The following YIPF5 variants were observed in gnomAD, a reference collection of about 807,000 sequenced individuals.
YIPF5 encodes the protein Yip1 domain family member 5.
YIPF5 carries 8 observed loss-of-function variants against 30.4 expected under a neutral mutation model. The observed-to-expected ratio is 0.26, with a 90% CI of 0.15 to 0.47. The LOEUF (loss-of-function observed/expected upper bound fraction) is 0.47, where lower values mean the gene tolerates loss of function less well. Ranked by LOEUF, YIPF5 falls within the 20% of genes least tolerant of loss-of-function variation. The pLI, the probability that YIPF5 is intolerant of heterozygous loss-of-function variation, is 0.99. For missense variants in YIPF5, 282 were observed against 301.8 expected (o/e 0.93, Z 0.49); for synonymous variants, 104 against 107.9 (o/e 0.96, Z 0.23).
chr5:144,169,620 T>C (rs568323883), intron 2 of YIPF5, among the ~76,000 whole-genome samples: 16 of 152,350 alleles, frequency 1.1e-4, no homozygotes, highest in African/African-American at 3.8e-4. Flanking sequence ...TTTCCATTCA[T>C]GGTACACCTG....
chr5:144,160,577 A>T lies in YIPF5; in HGVS notation c.612-18T>A. 6.3e-7 allele frequency: 1 copy of T among 1,595,946 alleles called. No individual in the cohort carries two copies. The highest frequency in any genetic ancestry group is 8.5e-7 in the Non-Finnish European group (1 of 1,170,726). On this transcript the variant is annotated intron_variant, in intron 5 of 5. Coordinates refer to ENST00000274496, the MANE Select transcript of YIPF5 (RefSeq NM_030799.9). ...CCATTCCTCTGTAAACAACAAGGAAAAAGGGGGGAGAAGAAAAAAAAGCAG... is the reference window on the plus strand; with the variant it reads ...CCATTCCTCTGTAAACAACAAGGAATAAGGGGGGAGAAGAAAAAAAAGCAG...
Position 144,160,005 on chromosome 5 carries a change from G to A in YIPF5, c.*392C>T. ...TTACAGGCGTGAGCTACCACGCCCG[G>A]CCGTCTTGTGTCTTCTTTACTGTGA... On this transcript the variant is annotated 3_prime_UTR_variant, in exon 6 of 6. Transcript: ENST00000274496. The A allele has an allele frequency of 2.0e-6, 2 of 988,918 alleles. No homozygotes were observed. Among genetic ancestry groups the A allele is most frequent in the Non-Finnish European group, 2.4e-6 (2 of 832,502 alleles). The allele number at this position is 988,918 out of a possible 1,614,324, so 61.3% of individuals were successfully genotyped here. A position where few individuals can be genotyped will look rare whatever the true frequency, so the allele number is the denominator to read the frequency against.
chr5:144,165,711 G>A, intron 2 of YIPF5, 107 bp from the exon 3 acceptor site: 8 of 1,185,080 alleles, frequency 6.8e-6, no homozygotes, highest in Non-Finnish European at 9.2e-6. Context: ...CCTTAGTTGT[G>A]AAATTCCTCA....
intron 4 of YIPF5, among the ~76,000 whole-genome samples, chr5:144,163,509 T>A (rs1024262202): frequency 6.6e-6 from 1 of 152,192 alleles, no homozygotes; most frequent in African/African-American, 2.4e-5. Flanking sequence ...CAAAGGCTGA[T>A]CAGGAGCACT....
chr5:144,162,185 C>A, intron 5 of YIPF5, 33 bp downstream of exon 5: 2 of 1,599,916 alleles, frequency 1.3e-6, no homozygotes, highest in South Asian at 2.3e-5. Flanking sequence ...TAGAATTGGT[C>A]AATCAACCCC....
At chr5:144,164,944 C>G (rs12517835) in intron 3 of YIPF5, among the ~76,000 whole-genome samples, 23,159 of 152,156 alleles carry the variant, frequency 0.15, 1,927 homozygotes, top group Admixed American at 0.25. Context: ...AACTACGTCT[C>G]TATGCATATG....
chr5:144,164,435 G>C (rs1181500952), intron 3 of YIPF5, among the ~76,000 whole-genome samples, 179 bp from the exon 4 acceptor site: 3 of 151,992 alleles, frequency 2.0e-5, no homozygotes, highest in African/African-American at 7.2e-5. Flanking sequence ...ACCCAGGCTG[G>C]AGTGCAGTGG....
intron 2 of YIPF5, among the ~76,000 whole-genome samples, chr5:144,166,424 G>T (rs1008572798): frequency 5.9e-5 from 9 of 151,878 alleles, no homozygotes; most frequent in African/African-American, 1.2e-4. Context: ...CTTACTGATG[G>T]GACTAATCTA....
rs1235232151 is a variant in YIPF5, at chr5:144,159,139, C to A, written c.*1258G>T. The A allele has an allele frequency of 1.0e-6, 1 of 984,302 alleles. No homozygotes were observed. The highest frequency in any genetic ancestry group is 6.2e-5 in the Admixed American group (1 of 16,248). The allele number at this position is 984,302 out of a possible 1,614,324, so 61.0% of individuals were successfully genotyped here. On this transcript the variant is annotated 3_prime_UTR_variant, in exon 6 of 6. Transcript: ENST00000274496. ...GTAACTCAAACTGCTCATTTAATCC[C>A]CTTTTTGTCTGATTCTATATTAGCT...
rs568329795 is a variant in YIPF5 at position 144,158,258 on chromosome 5, T to G, written c.*2139A>C. On this transcript the variant is annotated 3_prime_UTR_variant, in exon 6 of 6. Transcript: ENST00000274496. ...AGTTTTGGCTATATACAACTCTGCA[T>G]GTAATCAAACTCTAGAACATCAAAT... The G allele has an allele frequency of 4.8e-6, 2 of 416,624 alleles. No homozygotes were observed. The highest frequency in any genetic ancestry group is 8.3e-6 in the Non-Finnish European group (2 of 240,920). The allele number at this position is 416,624 out of a possible 1,614,324, so 25.8% of individuals were successfully genotyped here. A position where few individuals can be genotyped will look rare whatever the true frequency, so the allele number is the denominator to read the frequency against.
chr5:144,164,250 C>G lies in YIPF5; in HGVS notation c.290G>C (p.Gly97Ala), dbSNP rs778505668. 1 of 1,605,316 alleles carries G rather than the reference C, an allele frequency of 6.2e-7. No individual in the cohort carries two copies. Among genetic ancestry groups the G allele is most frequent in the Admixed American group, 1.7e-5 (1 of 58,794 alleles). Residue 97 changes from glycine (G) to alanine (A), a missense_variant, in exon 4 of 6, where the codon GGT (glycine) becomes GCT (alanine). Physicochemically the swap from Gly to Ala is moderately conservative, Grantham distance 60. Transcript: ENST00000274496. ...TTGCCAGATGTGGTCAAAATTGATA[C>G]CTAACTCTAAAGAGAAAGAAAATTT... ...EDEPPLLEEL[G>A]INFDHIWQKT...
At chr5:144,163,368 T>G (rs73792176) in intron 4 of YIPF5, among the ~76,000 whole-genome samples, 142 of 152,304 alleles carry the variant, frequency 9.3e-4, no homozygotes, top group Middle Eastern at 3.4e-3. Context: ...AACTCACACT[T>G]GTACAGTGTT....
At position 144,164,498 on chromosome 5, in the gene YIPF5, T is replaced by C. The variant is rs528303225; in HGVS notation, c.284-242A>G. 1.1e-4 allele frequency among the ~76,000 whole-genome samples: 16 copies of C among 152,158 alleles called. No homozygotes were observed. The East Asian group carries it at 2.5e-3, about 24-fold the overall frequency. ...ACTCCTGAACTCAAAGTGATGTTCC[T>C]GCCTCAGCCTCGTGAGTAGCTGGGA... On this transcript the variant is annotated intron_variant, in intron 3 of 5. Transcript: ENST00000274496.
In YIPF5 at chr5:144,169,879, T is replaced by C. The variant is rs778924625; in HGVS notation, c.77A>G (p.Tyr26Cys). The C allele has an allele frequency of 1.4e-5, 22 of 1,614,210 alleles. No individual in the cohort carries two copies. The highest frequency in any genetic ancestry group is 8.3e-5 in the Admixed American group (5 of 60,032). ...YSIDDQSQQSYDYGGSGGPYS... is the reference protein window; with the variant it reads ...YSIDDQSQQSCDYGGSGGPYS... ...GGGTCCTCCACTTCCTCCATAATCA[T>C]AGGACTGCTGTGACTGATCATCGAT... The change falls in exon 2 of 6, where the codon TAT (tyrosine) becomes TGT (cysteine). Residue 26 changes from tyrosine to cysteine, a missense_variant. By Grantham distance (194) the Tyr-to-Cys change is radical. Coordinates refer to ENST00000274496, the MANE Select transcript of YIPF5 (RefSeq NM_030799.9).
Position 144,158,662 on chromosome 5 carries a change from G to T in YIPF5, c.*1735C>A, listed in dbSNP as rs1751938276. The T allele has an allele frequency of 1.9e-6, 2 of 1,029,208 alleles. No homozygotes were observed. The highest frequency in any genetic ancestry group is 3.5e-5 in the African/African-American group (2 of 57,398). The allele number at this position is 1,029,208 out of a possible 1,614,324, so 63.8% of individuals were successfully genotyped here. A position where few individuals can be genotyped will look rare whatever the true frequency, so the allele number is the denominator to read the frequency against. ...ATCCAAGAATTACAATAAAAAATTT[G>T]GTTAAGTTGGAAAGCCTATCAAATT... On this transcript the variant is annotated 3_prime_UTR_variant, in exon 6 of 6. Coordinates refer to ENST00000274496, the MANE Select transcript of YIPF5 (RefSeq NM_030799.9).
intron 3 of YIPF5, 71 bp from the exon 4 acceptor site, chr5:144,164,327 G>A (rs1187564716): frequency 7.3e-7 from 1 of 1,363,626 alleles, no homozygotes; most frequent in East Asian, 2.4e-5. Flanking sequence ...AATCTATCCT[G>A]AAACAAGAGA....
rs1265631645 is a variant in YIPF5, at chr5:144,168,540, A to G, written c.110+1306T>C. 3.9e-5 allele frequency among the ~76,000 whole-genome samples: 6 copies of G among 152,322 alleles called. No individual in the cohort carries two copies. The East Asian group carries it at 7.7e-4, about 20-fold the overall frequency. ...TAAATAAATGAATGGAAATACCTCA[A>G]TACAAATTTTCCAACTCTGCCCATT... On this transcript the variant is annotated intron_variant, in intron 2 of 5. Coordinates refer to ENST00000274496, the MANE Select transcript of YIPF5 (RefSeq NM_030799.9).
At chr5:144,160,740 T>C (rs976963965) in intron 5 of YIPF5, among the ~76,000 whole-genome samples, 181 bp from the exon 6 acceptor site, 5 of 152,094 alleles carry the variant, frequency 3.3e-5, no homozygotes, top group Non-Finnish European at 5.9e-5. Flanking sequence ...TCACAGTAAA[T>C]TCAATGATGG....
intron 5 of YIPF5, 31 bp downstream of exon 5, chr5:144,162,187 A>G: frequency 6.2e-7 from 1 of 1,602,630 alleles, no homozygotes; most frequent in Non-Finnish European, 8.5e-7. Context: ...GAATTGGTCA[A>G]TCAACCCCCA....
Sources: gnomAD v4.1 joint callset for allele counts (sites outside exome capture counted in the v4.1 genomes callset) on GRCh38, gnomAD v4.1.1 for gene constraint, MANE v1.5 for transcripts, NCBI Gene and HGNC (gene_info 2026-07-23, HGNC 2026-07-21) for gene names.